Variants in PKHD1 observed in about 807,000 individuals in gnomAD.
The protein encoded by PKHD1 is fibrocystin.
Under a neutral mutation model 412.0 loss-of-function variants are expected in PKHD1, and 291 were observed. That is an observed-to-expected ratio of 0.71 (90% CI 0.64 to 0.78). The LOEUF (loss-of-function observed/expected upper bound fraction) is 0.78. Ranked by LOEUF, PKHD1 falls within the 30% of genes least tolerant of loss-of-function variation. The pLI is 0.00. For missense variants in PKHD1, 4,825 were observed against 4,950.7 expected, an observed-to-expected ratio of 0.97 and a Z score of 0.76; for synonymous variants, 1,777 against 1,821.5, an observed-to-expected ratio of 0.98 and a Z score of 0.62.
intron 60 of PKHD1, chr6:51,739,949 G>A (rs757347103): frequency 5.4e-5 from 28 of 518,286 alleles, no homozygotes; most frequent in Non-Finnish European, 9.2e-5. Flanking sequence ...TGAGTTTGGA[G>A]CCAGAATGGA....
At chr6:51,801,654 T>TGTGTGTGTGTGTGTGTGTGTGTGTGAGA (rs751203950) in intron 52 of PKHD1, among the ~76,000 whole-genome samples, 155 of 114,208 alleles carry the variant, frequency 1.4e-3, no homozygotes, top group Middle Eastern at 8.7e-3. Context: ...TGTGTGTGTG[T>TGTGTGTGTGTGTGTGTGTGTGTGTGAGA]GAGAGAGAGA....
At chr6:51,929,337 G>A (rs1786216604) in intron 37 of PKHD1, among the ~76,000 whole-genome samples, 1 of 152,176 alleles carries the variant, frequency 6.6e-6, no homozygotes, top group Admixed American at 6.5e-5. Flanking sequence ...ACCTAGTAGA[G>A]TTTTTTAATC....
chr6:51,890,050 C>T (rs1411082670), intron 43 of PKHD1, among the ~76,000 whole-genome samples: 1 of 151,376 alleles, frequency 6.6e-6, no homozygotes, highest in African/African-American at 2.4e-5. Flanking sequence ...AGAATAATAA[C>T]ACTCATAGTG....
intron 47 of PKHD1, 120 bp from the exon 48 acceptor site, chr6:51,868,229 A>G: frequency 1.1e-6 from 1 of 945,576 alleles, no homozygotes; most frequent in South Asian, 1.4e-5. Flanking sequence ...TCACCTATTC[A>G]TGCAAGAAAA....
At chr6:51,656,647 C>T (rs1199549647) in intron 61 of PKHD1, among the ~76,000 whole-genome samples, 1 of 146,246 alleles carries the variant, frequency 6.8e-6, no homozygotes, top group Non-Finnish European at 1.5e-5. Context: ...GAGTTGGTAG[C>T]TTATAGCTTT....
At chr6:51,619,603 C>T in intron 66 of PKHD1, 83 bp from the exon 67 acceptor site, 1 of 1,106,648 alleles carries the variant, frequency 9.0e-7, no homozygotes, top group East Asian at 2.3e-5. Context: ...GCATTTCTGA[C>T]AAGATATTGT....
chr6:51,815,737 C>T (rs1399613271), intron 52 of PKHD1, among the ~76,000 whole-genome samples: 2 of 152,082 alleles, frequency 1.3e-5, no homozygotes, highest in Admixed American at 1.3e-4. Flanking sequence ...AAGACCAAGG[C>T]CTCAGAAAAA....
chr6:51,827,399 T>G (rs1767488750), intron 52 of PKHD1, among the ~76,000 whole-genome samples: 1 of 152,136 alleles, frequency 6.6e-6, no homozygotes, highest in Non-Finnish European at 1.5e-5. Flanking sequence ...AACATTATAT[T>G]AATTATAGCC....
intron 35 of PKHD1, among the ~76,000 whole-genome samples, chr6:51,982,969 A>G (rs1795753067): frequency 7.1e-6 from 1 of 141,022 alleles, no homozygotes; most frequent in African/African-American, 2.6e-5. Context: ...GGCTCCCACA[A>G]CACATTCTGA....
chr6:51,918,233 T>A (rs1784133139), intron 37 of PKHD1, among the ~76,000 whole-genome samples: 1 of 152,094 alleles, frequency 6.6e-6, no homozygotes, highest in Non-Finnish European at 1.5e-5. Flanking sequence ...AGTTCTGGGA[T>A]ACATGCGCAG....
At chr6:51,817,436 A>G (rs1215059757) in intron 52 of PKHD1, among the ~76,000 whole-genome samples, 6 of 152,130 alleles carry the variant, frequency 3.9e-5, no homozygotes, top group Non-Finnish European at 5.9e-5. Flanking sequence ...TCTCAAGAAG[A>G]AGGAGCTGCC....
In PKHD1 at chr6:52,025,371, A is replaced by T. The variant is rs1581807447; in HGVS notation, c.4439T>A (p.Ile1480Lys). The T allele has an allele frequency of 6.2e-7, 1 of 1,613,250 alleles. No homozygotes were observed. Among genetic ancestry groups the T allele is most frequent in the Non-Finnish European group, 8.5e-7 (1 of 1,179,274 alleles). ...CATGACAGGACTTGCCTCTTCCCTT[A>T]TGAAAAGAGTGCAATTCCCCTGACA... ...SECQGNCTLF[I>K]REEASPVMDA... Residue 1480 changes from isoleucine (I) to lysine (K), a missense_variant, in exon 32 of 67, where the codon ATA (isoleucine) becomes AAA (lysine). Transcript: ENST00000371117.
In PKHD1 at chr6:51,627,007, C is replaced by A. The variant is rs1581731432; in HGVS notation, c.11775G>T (p.Val3925=). The A allele has an allele frequency of 1.9e-6, 3 of 1,613,462 alleles. No individual in the cohort carries two copies. The highest frequency in any genetic ancestry group is 1.7e-5 in the Admixed American group (1 of 59,958). The stretch of plus-strand genomic sequence containing the variant: ...ACCCTCCAAGCTTACCTTCTCCCAC[C>A]ACAGTGTCTTCTTTTTTGGGCCCTT... ...ESQGPKKEDT[V]VGEDMRMKVM... Residue 3925 remains valine (V), a synonymous_variant, in exon 66 of 67, where the codon GTG becomes GTT. Coordinates refer to ENST00000371117, the MANE Select transcript of PKHD1 (RefSeq NM_138694.4).
In PKHD1 at chr6:51,618,674, G is replaced by A; in HGVS notation, c.*407C>T. 5 of 308,876 alleles carry A rather than the reference G, an allele frequency of 1.6e-5. No homozygotes were observed. The highest frequency in any genetic ancestry group is 1.2e-4 in the South Asian group (4 of 33,236). The allele number at this position is 308,876 out of a possible 1,614,324, so 19.1% of individuals were successfully genotyped here. On this transcript the variant is annotated 3_prime_UTR_variant, in exon 67 of 67. Transcript: ENST00000371117. ...TGTAACAGTGTGGAATTAAACTGTA[G>A]CTGACCAGACCTTTTCATGATCCCT... is the stretch of plus-strand genomic sequence containing the variant.
chr6:52,017,375 G>A, intron 34 of PKHD1, 35 bp downstream of exon 34: 1 of 1,433,918 alleles, frequency 7.0e-7, no homozygotes, highest in Non-Finnish European at 9.8e-7. Flanking sequence ...CCAAGCATTT[G>A]TGGGGAAGTT....
chr6:51,949,723 C>T lies in PKHD1; in HGVS notation c.5908+10147G>A, dbSNP rs1230959454. Among the ~76,000 whole-genome samples the T allele has an allele frequency of 2.6e-5, 4 of 152,078 alleles. No homozygotes were observed. In the East Asian group the frequency reaches 5.8e-4, roughly 22 times the overall value. ...CCACTAGCAGCTCAGGAAATAGATG[C>T]CTGAGCCCTCACATATTCATGGGGG... On this transcript the variant is annotated intron_variant, in intron 36 of 66. Transcript: ENST00000371117.
At position 51,883,097 on chromosome 6, in the gene PKHD1, T is replaced by C. The variant is rs1322106098; in HGVS notation, c.7346A>G (p.His2449Arg). 6.2e-7 allele frequency: 1 copy of C among 1,613,206 alleles called. No individual in the cohort carries two copies. The highest frequency in any genetic ancestry group is 8.5e-7 in the Non-Finnish European group (1 of 1,179,372). ...CAACCACACTAAGGCACTTACCTTGTGGGCAAAATGACCAAGTAATAAGCT... is the reference window on the plus strand; with the variant it reads ...CAACCACACTAAGGCACTTACCTTGCGGGCAAAATGACCAAGTAATAAGCT... ...TDSLLLGHFA[H>R]KGSLCMSSGI... is the part of the protein sequence containing the mutation. The change falls in exon 46 of 67, where the codon CAC becomes CGC. Residue 2449 changes from histidine (H) to arginine (R), a missense_variant. His to Arg is a conservative substitution (Grantham distance 29). Transcript: ENST00000371117.
intron 34 of PKHD1, among the ~76,000 whole-genome samples, chr6:52,015,820 T>C (rs1800451844): frequency 6.7e-6 from 1 of 149,482 alleles, no homozygotes; most frequent in South Asian, 2.1e-4. Context: ...CAAGACTCAG[T>C]CTCAAAAAAA....
At position 52,043,701 on chromosome 6, in the gene PKHD1, A is replaced by G. The variant is rs2128184161; in HGVS notation, c.2745T>C (p.Ala915=). The G allele has an allele frequency of 1.2e-6, 2 of 1,613,608 alleles. No individual in the cohort carries two copies. Among genetic ancestry groups the G allele is most frequent in the Non-Finnish European group, 1.7e-6 (2 of 1,179,588 alleles). ...QVVVRVNDVP[A]HCPGSCSFQY... ...GGAAAGAGCAGGAACCTGGGCAATG[A>G]GCTGGTACATCATTCACTCGCACAA... The change falls in exon 26 of 67, where the codon GCT becomes GCC. Residue 915 remains alanine (A), a synonymous_variant. Transcript: ENST00000371117.
Sources: allele counts gnomAD v4.1 joint callset (sites outside exome capture counted in the v4.1 genomes callset), GRCh38; gene constraint gnomAD v4.1.1; transcripts MANE v1.5; gene names NCBI Gene and HGNC (gene_info 2026-07-23, HGNC 2026-07-21).